SMAD1: variants seen among roughly 807,000 people sequenced by gnomAD.
SMAD1 encodes the protein SMAD family member 1.
In SMAD1, 6 loss-of-function variants were observed where a neutral mutation model predicts 41.6. That is an observed-to-expected ratio of 0.14 (90% CI 0.08 to 0.28). SMAD1 has a LOEUF of 0.28. Among genes scored for constraint, SMAD1 ranks in the 10% least tolerant of loss-of-function variants. SMAD1 has a pLI of 1.00. For missense variants in SMAD1, 379 were observed against 582.6 expected, an observed-to-expected ratio of 0.65 and a Z score of 3.60; for synonymous variants, 206 against 203.2, an observed-to-expected ratio of 1.01 and a Z score of -0.12.
In SMAD1 at chr4:145,546,954, G is replaced by GT. The variant is rs747053165; in HGVS notation, c.997+33dup. On this transcript the variant is annotated intron_variant, in intron 5 of 6. Coordinates refer to ENST00000302085, the MANE Select transcript of SMAD1 (RefSeq NM_005900.3). Reference sequence around the variant, plus strand: ...GTTTTTGCTTTAACCTCTTTCAGATGTTTATCTGTTGTGTCCCTGTTCCTC... The same window carrying GT: ...GTTTTTGCTTTAACCTCTTTCAGATGTTTTATCTGTTGTGTCCCTGTTCCTC... 1.1e-5 allele frequency: 17 copies of GT among 1,529,436 alleles called. No homozygotes were observed. In the Admixed American group the frequency reaches 2.8e-4, roughly 26 times the overall value. 94.7% of individuals were successfully genotyped at this position (1,529,436 alleles called of 1,614,324 possible).
chr4:145,549,158 C>A (rs1031782827), intron 5 of SMAD1, among the ~76,000 whole-genome samples: 1 of 152,066 alleles, frequency 6.6e-6, no homozygotes, highest in African/African-American at 2.4e-5. Flanking sequence ...AGATATGACA[C>A]CTGCATGCAA....
In SMAD1 at chr4:145,557,855, T is replaced by A; in HGVS notation, c.1319T>A (p.Leu440Gln). 1 of 1,612,998 alleles carries A rather than the reference T, an allele frequency of 6.2e-7. No homozygotes were observed. Among genetic ancestry groups the A allele is most frequent in the African/African-American group, 1.3e-5 (1 of 75,042 alleles). ...TSTPCWIEIHLHGPLQWLDKV... is the reference protein window; with the variant it reads ...TSTPCWIEIHQHGPLQWLDKV... ...ACCCCCTGCTGGATTGAGATACATC[T>A]GCACGGCCCCCTCCAGTGGCTGGAT... Residue 440 changes from leucine (L) to glutamine (Q), a missense_variant, in exon 7 of 7, where the codon CTG (leucine) becomes CAG (glutamine). By Grantham distance (113) the Leu-to-Gln change is moderately radical. Around this residue, in one of 3 missense-constraint regions of SMAD1, gnomAD observed 107 missense variants for 218.3 expected, o/e 0.49. Transcript: ENST00000302085.
intron 1 of SMAD1, among the ~76,000 whole-genome samples, chr4:145,507,122 G>A (rs1346568032): frequency 6.7e-6 from 1 of 149,920 alleles, no homozygotes; most frequent in African/African-American, 2.4e-5. Context: ...AATCCAACCT[G>A]ATTTCTAAGT....
At chr4:145,536,706 T>A (rs900856554) in intron 2 of SMAD1, among the ~76,000 whole-genome samples, 3 of 152,200 alleles carry the variant, frequency 2.0e-5, no homozygotes, top group African/African-American at 7.2e-5. Flanking sequence ...GCAAAATGGA[T>A]GCTAAATATA....
intron 1 of SMAD1, among the ~76,000 whole-genome samples, chr4:145,492,359 C>G (rs1469327309): frequency 1.3e-5 from 2 of 152,192 alleles, no homozygotes; most frequent in South Asian, 2.1e-4. Flanking sequence ...TGACTCCGCT[C>G]TTTGGATTCA....
At chr4:145,530,861 C>T (rs1731281102) in intron 2 of SMAD1, among the ~76,000 whole-genome samples, 1 of 152,166 alleles carries the variant, frequency 6.6e-6, no homozygotes, top group Non-Finnish European at 1.5e-5. Flanking sequence ...ACATCCTGGC[C>T]CTCAATTAGC....
chr4:145,523,351 A>C (rs1730856921), intron 2 of SMAD1, among the ~76,000 whole-genome samples: 1 of 152,216 alleles, frequency 6.6e-6, no homozygotes, highest in Non-Finnish European at 1.5e-5. Context: ...TGACACATAT[A>C]ACACATGGTG....
At chr4:145,499,857 T>A (rs563621377) in intron 1 of SMAD1, among the ~76,000 whole-genome samples, 10 of 152,048 alleles carry the variant, frequency 6.6e-5, no homozygotes, top group East Asian at 5.8e-4. Context: ...TTGGACTACT[T>A]CTCCTCCAGT....
chr4:145,536,485 C>T (rs1272218387), intron 2 of SMAD1, among the ~76,000 whole-genome samples: 1 of 152,042 alleles, frequency 6.6e-6, no homozygotes, highest in Non-Finnish European at 1.5e-5. Context: ...AAATCTAAGA[C>T]AATATGACCA....
At chr4:145,509,424 T>C (rs1269162426) in intron 1 of SMAD1, among the ~76,000 whole-genome samples, 1 of 152,206 alleles carries the variant, frequency 6.6e-6, no homozygotes, top group Non-Finnish European at 1.5e-5. Context: ...GTGGTTCTTA[T>C]ATAATACGTT....
At chr4:145,512,705 G>A (rs759093445) in intron 1 of SMAD1, among the ~76,000 whole-genome samples, 3 of 152,202 alleles carry the variant, frequency 2.0e-5, no homozygotes, top group South Asian at 2.1e-4. Flanking sequence ...TGGGTCACCC[G>A]TTAGGTCTGT....
rs35756866 is a variant in SMAD1, at chr4:145,508,080, ATT to A, written c.-176-6342_-176-6341del. Among the ~76,000 whole-genome samples the A allele has an allele frequency of 2.2e-3, 300 of 138,350 alleles. 1 individual carries two copies. The highest frequency in any genetic ancestry group is 0.013 in the South Asian group (55 of 4,322). The allele number at this position is 138,350 out of a possible 152,430, so 90.8% of individuals were successfully genotyped here. ...TAATGTTTGGATGCCCTTGGTTTAG[ATT>A]TTTTTTTTTTTTTTTGCTCCCAGTA... On this transcript the variant is annotated intron_variant, in intron 1 of 6. Coordinates refer to ENST00000302085, the MANE Select transcript of SMAD1 (RefSeq NM_005900.3).
rs147602934 is a variant in SMAD1, at chr4:145,542,659, A to G, written c.736A>G (p.Met246Val). Residue 246 changes from methionine to valine, a missense_variant, in exon 4 of 7, where the codon ATG becomes GTG. Physicochemically the swap from Met to Val is conservative, Grantham distance 21 (BLOSUM62 1). Around this residue, in one of 3 missense-constraint regions of SMAD1, gnomAD observed 208 missense variants for 210.5 expected, o/e 0.99. Transcript: ENST00000302085. ...QDGSQPMDTN[M>V]MAPPLPSEIN... ...TGGCTCTCAGCCGATGGACACAAACATGATGGCGCCTCCCCTGCCCTCAGA... is the reference window on the plus strand; with the variant it reads ...TGGCTCTCAGCCGATGGACACAAACGTGATGGCGCCTCCCCTGCCCTCAGA... 3.1e-6 allele frequency: 5 copies of G among 1,613,206 alleles called. No individual in the cohort carries two copies. Among genetic ancestry groups the G allele is most frequent in the African/African-American group, 1.3e-5 (1 of 75,042 alleles).
intron 1 of SMAD1, among the ~76,000 whole-genome samples, chr4:145,500,960 CAG>C (rs1212276057): frequency 2.0e-5 from 3 of 152,174 alleles, no homozygotes; most frequent in African/African-American, 7.2e-5. Flanking sequence ...AATTGAGGCT[CAG>C]AGTTGTTTTC....
At chr4:145,553,688 T>G in intron 5 of SMAD1, 96 bp from the exon 6 acceptor site, 1 of 1,136,948 alleles carries the variant, frequency 8.8e-7, no homozygotes, top group Non-Finnish European at 1.3e-6. Context: ...AAAGTTTAAA[T>G]CCATGTATAT....
chr4:145,513,920 C>T (rs1245557518), intron 1 of SMAD1, among the ~76,000 whole-genome samples: 2 of 152,170 alleles, frequency 1.3e-5, no homozygotes, highest in Non-Finnish European at 2.9e-5. Flanking sequence ...ATTGTATTAC[C>T]TAACTCAAAG....
rs1416905856 is a variant in SMAD1, at chr4:145,558,433, T to A, written c.*499T>A. Among the ~76,000 whole-genome samples the A allele has an allele frequency of 3.9e-5, 6 of 152,230 alleles. No individual in the cohort carries two copies. The highest frequency in any genetic ancestry group is 8.8e-5 in the Non-Finnish European group (6 of 68,026). ...TTAGCGATGGTTTTGTTCGTTTAAGTAAAGGTTAATCTTGATGATATACAT... is the reference window on the plus strand; with the variant it reads ...TTAGCGATGGTTTTGTTCGTTTAAGAAAAGGTTAATCTTGATGATATACAT... On this transcript the variant is annotated 3_prime_UTR_variant, in exon 7 of 7. Transcript: ENST00000302085.
intron 1 of SMAD1, among the ~76,000 whole-genome samples, chr4:145,488,068 A>G (rs1204421615): frequency 6.6e-6 from 1 of 152,078 alleles, no homozygotes; most frequent in African/African-American, 2.4e-5. Flanking sequence ...GGAAGTCCTT[A>G]CCTGGTGATT....
chr4:145,528,643 C>A (rs546492021), intron 2 of SMAD1, among the ~76,000 whole-genome samples: 11 of 152,262 alleles, frequency 7.2e-5, no homozygotes, highest in Middle Eastern at 3.4e-3. Flanking sequence ...AATTCAGCTG[C>A]AGTTACAAAT....
Sources: allele counts gnomAD v4.1 joint callset (sites outside exome capture counted in the v4.1 genomes callset), GRCh38; gene constraint gnomAD v4.1.1; regional missense constraint gnomAD v4.1.1; transcripts MANE v1.5; gene names NCBI Gene and HGNC (gene_info 2026-07-23, HGNC 2026-07-21).